CNGB1: variants seen among roughly 807,000 people sequenced by gnomAD.
The protein encoded by CNGB1 is cyclic nucleotide-gated channel beta-1.
Under a neutral mutation model 151.7 loss-of-function variants are expected in CNGB1, and 126 were observed. The ratio of observed to expected loss-of-function variants is 0.83; its 90% CI spans 0.72 to 0.96. The LOEUF (loss-of-function observed/expected upper bound fraction) is 0.96, where lower values mean the gene tolerates loss of function less well. CNGB1 is among the 40% of genes least tolerant of loss of function. CNGB1 has a pLI of 0.00. For missense variants in CNGB1, 1,698 were observed against 1,627.0 expected, an observed-to-expected ratio of 1.04 and a Z score of -0.75; for synonymous variants, 623 against 635.1, an observed-to-expected ratio of 0.98 and a Z score of 0.29.
At chr16:57,900,212 C>G (rs1203716839) in intron 29 of CNGB1, among the ~76,000 whole-genome samples, 1 of 152,216 alleles carries the variant, frequency 6.6e-6, no homozygotes, top group African/African-American at 2.4e-5. Context: ...GTCAGGCAGG[C>G]CACTCTATTG....
chr16:57,905,549 G>C (rs1489804442), intron 25 of CNGB1, among the ~76,000 whole-genome samples: 7 of 152,246 alleles, frequency 4.6e-5, no homozygotes, highest in Admixed American at 1.3e-4. Context: ...AAAGGCATAG[G>C]AAATGCCCCA....
At position 57,903,185 on chromosome 16, in the gene CNGB1, CT is replaced by C. The variant is rs60099371; in HGVS notation, c.2794+636del. On this transcript the variant is annotated intron_variant, in intron 27 of 32. Transcript: ENST00000251102. The stretch of plus-strand genomic sequence containing the variant: ...AGGAAGGGACAGAAAGTCCTTCTTC[CT>C]TTTTTTTTTTTTTTTTTCAATTTAA... Among the ~76,000 whole-genome samples, 721 of 122,616 alleles carry C rather than the reference CT, an allele frequency of 5.9e-3. 4 individuals are homozygous for C. Among genetic ancestry groups the C allele is most frequent in the East Asian group, 0.016 (70 of 4,334 alleles). 80.4% of individuals were successfully genotyped at this position (122,616 alleles called of 152,430 possible). A position where few individuals can be genotyped will look rare whatever the true frequency, so the allele number is the denominator to read the frequency against.
chr16:57,935,164 C>A (rs1264057428), intron 16 of CNGB1, among the ~76,000 whole-genome samples: 1 of 152,020 alleles, frequency 6.6e-6, no homozygotes, highest in Non-Finnish European at 1.5e-5. Flanking sequence ...TTGTGGCTAA[C>A]AGAGCAGGCC....
At chr16:57,931,343 C>G (rs370901197) in intron 17 of CNGB1, among the ~76,000 whole-genome samples, 3 of 151,828 alleles carry the variant, frequency 2.0e-5, no homozygotes, top group Admixed American at 2.0e-4. Context: ...TTAGGAAAGA[C>G]GGGGTTTCGC....
At chr16:57,952,888 G>T (rs1279221371) in intron 12 of CNGB1, among the ~76,000 whole-genome samples, 2 of 151,934 alleles carry the variant, frequency 1.3e-5, no homozygotes, top group Non-Finnish European at 2.9e-5. Context: ...GCAGCACTGA[G>T]AGGAGGACGG....
At chr16:57,920,582 G>C in intron 18 of CNGB1, 38 bp from the exon 19 acceptor site, 3 of 1,605,454 alleles carry the variant, frequency 1.9e-6, no homozygotes, top group Non-Finnish European at 2.5e-6. Context: ...AGGCTGAGCC[G>C]GGAGGGACCT....
In CNGB1 at chr16:57,904,877, T is replaced by C. The variant is rs745319716; in HGVS notation, c.2493-2A>G. 16 of 1,613,886 alleles carry C rather than the reference T, an allele frequency of 9.9e-6. No homozygotes were observed. In the South Asian group the frequency reaches 1.6e-4, roughly 17 times the overall value. On this transcript the variant is annotated splice_acceptor_variant, in intron 25 of 32. Transcript: ENST00000251102. LOFTEE classifies it high-confidence loss of function. ...GCAAAGTAGTAACAGCGAATATAAC[T>C]GGAGAGAGAGGAGAAAGGGAACATG...
rs757874189 is a variant in CNGB1, at chr16:57,920,493, G to A, written c.1695C>T (p.Asn565=). 19 of 1,614,012 alleles carry A rather than the reference G, an allele frequency of 1.2e-5. No homozygotes were observed. The highest frequency in any genetic ancestry group is 1.6e-4 in the Middle Eastern group (1 of 6,084). Residue 565 remains asparagine, a synonymous_variant, in exon 19 of 33, where the codon AAC becomes AAT. Transcript: ENST00000251102. The stretch of plus-strand genomic sequence containing the variant: ...GCTTCACCAGCTCCTGGAGCCGGTC[G>A]TTGATGATGGCGCTATTTGTGCTGG... ...STASTNSAII[N]DRLQELVKLF...
rs1272010203 is a variant in CNGB1 at position 57,960,484 on chromosome 16, G to A, written c.581C>T (p.Pro194Leu). The change falls in exon 9 of 33, where the codon CCA (proline) becomes CTA (leucine). Residue 194 changes from proline (P) to leucine (L), a missense_variant and splice_region_variant. Coordinates refer to ENST00000251102, the MANE Select transcript of CNGB1 (RefSeq NM_001297.5). ...CTCCCGAGCTCCCCTCCCTGTACCT[G>A]GGTCTGAGGCAGCACCTGTAGCAAC... is the stretch of plus-strand genomic sequence containing the variant. ...PAVATGAASD[P>L]APPGRPQEMG... The A allele has an allele frequency of 1.2e-6, 2 of 1,613,516 alleles. No homozygotes were observed. Among genetic ancestry groups the A allele is most frequent in the South Asian group, 1.1e-5 (1 of 90,884 alleles).
At chr16:57,904,637 T>C in intron 26 of CNGB1, 97 bp downstream of exon 26, 1 of 1,562,196 alleles carries the variant, frequency 6.4e-7, no homozygotes. Flanking sequence ...CCAGGCTTAA[T>C]CCAAAAGCAA....
chr16:57,960,389 G>A, intron 9 of CNGB1, 93 bp downstream of exon 9: 1 of 1,489,554 alleles, frequency 6.7e-7, no homozygotes, highest in Non-Finnish European at 9.2e-7. Context: ...TGGGGGCTAA[G>A]GGCCTCTGGG....
chr16:57,938,382 G>C (rs16959568), intron 16 of CNGB1, among the ~76,000 whole-genome samples: 2,689 of 152,244 alleles, frequency 0.018, 89 homozygotes, highest in African/African-American at 0.062. Context: ...GGACACTTGG[G>C]TCCAGTCCCA....
At chr16:57,897,730 C>T in intron 30 of CNGB1, 66 bp downstream of exon 30, 1 of 1,562,594 alleles carries the variant, frequency 6.4e-7, no homozygotes, top group Non-Finnish European at 8.8e-7. Flanking sequence ...ACTCGCACTG[C>T]CCGCTGGCCG....
chr16:57,904,009 G>A lies in CNGB1; in HGVS notation c.2635-28C>T, dbSNP rs551310908. On this transcript the variant is annotated intron_variant, in intron 26 of 32. Transcript: ENST00000251102. ...GGGGGAAGGGTTATGGGAGGTCAAG[G>A]AAGCCACTGGGTCATTGGGGGTGGG... 27 of 1,609,030 alleles carry A rather than the reference G, an allele frequency of 1.7e-5. 1 individual carries two copies. The South Asian group carries it at 2.8e-4, about 16-fold the overall frequency.
chr16:57,960,186 C>G, intron 9 of CNGB1, 121 bp from the exon 10 acceptor site: 1 of 1,482,336 alleles, frequency 6.7e-7, no homozygotes, highest in African/African-American at 1.4e-5. Context: ...CCTTTGGGAC[C>G]ACCTCACCCA....
At chr16:57,952,503 T>TA (rs1386756889) in intron 12 of CNGB1, among the ~76,000 whole-genome samples, 4 of 135,610 alleles carry the variant, frequency 2.9e-5, no homozygotes, top group African/African-American at 8.3e-5. Flanking sequence ...CTTTTTTTTT[T>TA]TTTTTTTTTT....
chr16:57,941,392 C>T (rs1004175578), intron 14 of CNGB1, among the ~76,000 whole-genome samples: 3 of 152,208 alleles, frequency 2.0e-5, no homozygotes, highest in African/African-American at 7.2e-5. Flanking sequence ...CCCTCCTGAG[C>T]AAGGACGGTG....
intron 17 of CNGB1, among the ~76,000 whole-genome samples, chr16:57,927,939 C>G (rs1241468290): frequency 6.6e-6 from 1 of 152,230 alleles, no homozygotes; most frequent in East Asian, 1.9e-4. Flanking sequence ...TCTCTTTTCT[C>G]TGTGTTAAGA....
chr16:57,901,606 C>T lies in CNGB1; in HGVS notation c.2814G>A (p.Val938=). 1 of 1,613,984 alleles carries T rather than the reference C, an allele frequency of 6.2e-7. No homozygotes were observed. Residue 938 remains valine (V), a synonymous_variant, in exon 28 of 33, where the codon GTG becomes GTA. Transcript: ENST00000251102. The stretch of plus-strand genomic sequence containing the variant: ...CCAGCCGCATCTTGTCTGGAAGCTG[C>T]ACCATCAGCTCTGACTCATCTGTGA... ...QGMLDESELM[V]QLPDKMRLDL...
Sources: gnomAD v4.1 joint callset for allele counts (sites outside exome capture counted in the v4.1 genomes callset) on GRCh38, gnomAD v4.1.1 for gene constraint, MANE v1.5 for transcripts, NCBI Gene and HGNC (gene_info 2026-07-23, HGNC 2026-07-21) for gene names.